Variants in FUBP3 observed in about 807,000 individuals in gnomAD.
FUBP3 encodes the protein far upstream element-binding protein 3.
FUBP3 carries 28 observed loss-of-function variants against 85.6 expected under a neutral mutation model. The observed-to-expected ratio is 0.33, with a 90% CI of 0.24 to 0.45. The LOEUF (loss-of-function observed/expected upper bound fraction) is 0.45, where lower values mean the gene tolerates loss of function less well. FUBP3 is among the 20% of genes least tolerant of loss of function. The probability of loss-of-function intolerance (pLI) is 1.00; values close to 1 mark genes in which losing one functional copy is unlikely to be tolerated. For synonymous variants in FUBP3, 271 were observed against 271.4 expected (o/e 1.00, Z 0.01); for missense variants, 583 against 755.1 (o/e 0.77, Z 2.67).
chr9:130,626,650 C>T, intron 12 of FUBP3, 145 bp downstream of exon 12: 1 of 748,004 alleles, frequency 1.3e-6, no homozygotes, highest in South Asian at 1.8e-5. Context: ...CCACCTTCTG[C>T]CGAAACCCTG....
chr9:130,632,981 G>C (rs374431175), intron 16 of FUBP3, among the ~76,000 whole-genome samples: 6 of 152,222 alleles, frequency 3.9e-5, no homozygotes, highest in African/African-American at 1.2e-4. Flanking sequence ...GTTTAGAAAG[G>C]CTTCTTCAGT....
intron 16 of FUBP3, among the ~76,000 whole-genome samples, chr9:130,633,265 C>T (rs957241780): frequency 2.6e-5 from 4 of 152,220 alleles, no homozygotes; most frequent in African/African-American, 9.7e-5. Context: ...TATTATGAAA[C>T]GTTTCAAATA....
At chr9:130,601,801 A>ATTTTT (rs113638192) in intron 2 of FUBP3, among the ~76,000 whole-genome samples, 15,001 of 116,902 alleles carry the variant, frequency 0.13, 1,620 homozygotes, top group Admixed American at 0.18. Context: ...ATAATTCCTA[A>ATTTTT]TTTTTTTTTT....
chr9:130,580,436 G>A (rs1027776617), intron 1 of FUBP3, among the ~76,000 whole-genome samples: 4 of 152,212 alleles, frequency 2.6e-5, no homozygotes, highest in African/African-American at 9.7e-5. Flanking sequence ...GGCTTCCCCA[G>A]AGAGTGAATA....
Position 130,631,929 on chromosome 9 carries a change from T to C in FUBP3, c.1353-13T>C, listed in dbSNP as rs1564227296. On this transcript the variant is annotated splice_polypyrimidine_tract_variant and intron_variant, in intron 14 of 18. Transcript: ENST00000319725. ...GAGGCGCTCAGTCTGTTGTTTCTTT[T>C]ACCTTTTCCCAGTACCTTTCCTCCA... is the stretch of plus-strand genomic sequence containing the variant. The C allele has an allele frequency of 6.2e-7, 1 of 1,600,716 alleles. No individual in the cohort carries two copies. Among genetic ancestry groups the C allele is most frequent in the Non-Finnish European group, 8.6e-7 (1 of 1,167,634 alleles).
In FUBP3 at chr9:130,636,999, C is replaced by A. The variant is rs1210813929; in HGVS notation, c.1711-15C>A. 1.4e-5 allele frequency: 23 copies of A among 1,611,918 alleles called. No homozygotes were observed. Among genetic ancestry groups the A allele is most frequent in the Non-Finnish European group, 1.9e-5 (22 of 1,178,032 alleles). On this transcript the variant is annotated splice_polypyrimidine_tract_variant and intron_variant, in intron 18 of 18. Coordinates refer to ENST00000319725, the MANE Select transcript of FUBP3 (RefSeq NM_003934.2). ...CTGCCATCACAGACTAATTCCTCTT[C>A]CCTTCCGCCCACAGGAGCAGTAGGA...
At position 130,635,322 on chromosome 9, in the gene FUBP3, C is replaced by T. The variant is rs998194466; in HGVS notation, c.1582+584C>T. Among the ~76,000 whole-genome samples the T allele has an allele frequency of 6.6e-6, 1 of 152,194 alleles. No individual in the cohort carries two copies. Among genetic ancestry groups the T allele is most frequent in the Non-Finnish European group, 1.5e-5 (1 of 68,036 alleles). On this transcript the variant is annotated intron_variant, in intron 17 of 18. Transcript: ENST00000319725. This position sits in a 1 kb window ranked among gnomAD's most constrained non-coding sequence, Gnocchi z 4.3. ...CTGGGGAGTCACATAAAATCAGGAC[C>T]AGACTCTCGGGATATATCCCACGAT...
intron 2 of FUBP3, among the ~76,000 whole-genome samples, chr9:130,597,138 T>G (rs1830911757): frequency 6.6e-6 from 1 of 151,718 alleles, no homozygotes; most frequent in Non-Finnish European, 1.5e-5. Flanking sequence ...CATAAATAAG[T>G]GAGAACATGT....
intron 18 of FUBP3, 101 bp downstream of exon 18, chr9:130,636,227 G>A: frequency 1.6e-6 from 2 of 1,226,498 alleles, no homozygotes; most frequent in South Asian, 1.2e-5. Flanking sequence ...CGCTGGGCTA[G>A]GAGGAACCTC....
At chr9:130,603,900 A>G (rs567683850) in intron 2 of FUBP3, among the ~76,000 whole-genome samples, 1 of 152,338 alleles carries the variant, frequency 6.6e-6, no homozygotes, top group East Asian at 1.9e-4. Flanking sequence ...ACTGTTGGGC[A>G]TTTATCCCCA....
rs180752605 is a variant in FUBP3, at chr9:130,635,953, T to C, written c.1583-46T>C. ...GGCCTTTGGGAAGGGTCCTGCCCAG[T>C]GCACCTCCGCTCCCGATAACCTGTG... On this transcript the variant is annotated intron_variant, in intron 17 of 18. Transcript: ENST00000319725. This position sits in a 1 kb window ranked among gnomAD's most constrained non-coding sequence, Gnocchi z 4.3. The C allele has an allele frequency of 8.1e-6, 13 of 1,598,362 alleles. No individual in the cohort carries two copies. Among genetic ancestry groups the C allele is most frequent in the Admixed American group, 1.7e-5 (1 of 59,522 alleles).
Position 130,616,548 on chromosome 9 carries a change from G to A in FUBP3, c.567+31G>A. The A allele has an allele frequency of 6.2e-7, 1 of 1,607,292 alleles. No homozygotes were observed. Among genetic ancestry groups the A allele is most frequent in the Non-Finnish European group, 8.5e-7 (1 of 1,174,382 alleles). Reference sequence around the variant, plus strand: ...TGAGCCCGGAGCACGGAGCACAGCGGCCGCTCGCAGCAGGTCTTCAGCTTC... The same window carrying A: ...TGAGCCCGGAGCACGGAGCACAGCGACCGCTCGCAGCAGGTCTTCAGCTTC... On this transcript the variant is annotated intron_variant, in intron 7 of 18. Coordinates refer to ENST00000319725, the MANE Select transcript of FUBP3 (RefSeq NM_003934.2). This position sits in a 1 kb window ranked among gnomAD's most constrained non-coding sequence, Gnocchi z 4.7.
chr9:130,604,918 AAG>A, intron 2 of FUBP3, among the ~76,000 whole-genome samples: 1 of 152,176 alleles, frequency 6.6e-6, no homozygotes, highest in Non-Finnish European at 1.5e-5. Flanking sequence ...AAAAAAAAGA[AAG>A]AAATACCACT....
Position 130,632,291 on chromosome 9 carries a change from G to T in FUBP3, c.1510+13G>T. ...CAGCAGGTCCCAAGTAAGTGACTCG[G>T]GGCGGGGAGTGCATGCCCTCCAGAA... On this transcript the variant is annotated intron_variant, in intron 16 of 18. Transcript: ENST00000319725. 1 of 1,604,690 alleles carries T rather than the reference G, an allele frequency of 6.2e-7. No homozygotes were observed. The highest frequency in any genetic ancestry group is 8.5e-7 in the Non-Finnish European group (1 of 1,172,848).
intron 2 of FUBP3, among the ~76,000 whole-genome samples, chr9:130,599,372 TGTGTGTG>T: frequency 6.7e-6 from 1 of 150,066 alleles, no homozygotes; most frequent in Admixed American, 6.6e-5. Context: ...TGTGTGTGTG[TGTGTGTG>T]TGTGTATATA....
At chr9:130,615,124 A>AT in intron 6 of FUBP3, among the ~76,000 whole-genome samples, 1 of 152,322 alleles carries the variant, frequency 6.6e-6, no homozygotes, top group South Asian at 2.1e-4. Context: ...TTGTTCTGCC[A>AT]TCACATTGCA....
intron 12 of FUBP3, among the ~76,000 whole-genome samples, chr9:130,630,266 C>T (rs528552171): frequency 1.6e-3 from 238 of 152,354 alleles, no homozygotes; most frequent in African/African-American, 5.5e-3. Flanking sequence ...CCTGGCTGGG[C>T]GGGAGCCCCA....
At chr9:130,631,753 C>A in intron 14 of FUBP3, 123 bp downstream of exon 14, 1 of 865,292 alleles carries the variant, frequency 1.2e-6, no homozygotes, top group Non-Finnish European at 1.9e-6. Context: ...GGGCAGGACT[C>A]GTTTCTTTTC....
At chr9:130,618,659 A>G (rs936268324) in intron 8 of FUBP3, among the ~76,000 whole-genome samples, 4 of 152,188 alleles carry the variant, frequency 2.6e-5, no homozygotes, top group Non-Finnish European at 5.9e-5. Flanking sequence ...CTGTCTTGCC[A>G]TTGCCACATT....
Sources: allele counts gnomAD v4.1 joint callset (sites outside exome capture counted in the v4.1 genomes callset), GRCh38; gene constraint gnomAD v4.1.1; non-coding constraint Gnocchi (gnomAD v3.1); transcripts MANE v1.5; gene names NCBI Gene and HGNC (gene_info 2026-07-23, HGNC 2026-07-21).